The following CHST15 variants were observed in gnomAD, a reference collection of about 807,000 sequenced individuals.
CHST15 encodes carbohydrate sulfotransferase 15.
CHST15 carries 30 observed loss-of-function variants against 53.6 expected under a neutral mutation model. The observed-to-expected ratio is 0.56, with a 90% CI of 0.42 to 0.76. The LOEUF is 0.76. Among genes scored for constraint, CHST15 ranks in the 30% least tolerant of loss-of-function variants. The pLI, the probability that CHST15 is intolerant of heterozygous loss-of-function variation, is 0.00. For synonymous variants in CHST15, 296 were observed against 289.8 expected (o/e 1.02, Z -0.22); for missense variants, 627 against 740.5 (o/e 0.85, Z 1.78).
At chr10:124,045,572 A>C in intron 2 of CHST15, 95 bp downstream of exon 2, 1 of 1,261,670 alleles carries the variant, frequency 7.9e-7, no homozygotes, top group Non-Finnish European at 1.1e-6. Context: ...TTTTTTAGTC[A>C]TTTTCCTTCT....
intron 6 of CHST15, among the ~76,000 whole-genome samples, chr10:124,013,032 T>C (rs1443582924): frequency 6.6e-6 from 1 of 152,214 alleles, no homozygotes; most frequent in African/African-American, 2.4e-5. Context: ...CTTTCTACTT[T>C]CCAGTACCCA....
At chr10:124,055,395 G>T (rs1271095716) in intron 1 of CHST15, among the ~76,000 whole-genome samples, 1 of 152,058 alleles carries the variant, frequency 6.6e-6, no homozygotes, top group Admixed American at 6.6e-5. Flanking sequence ...CCTGCCTCTC[G>T]GTAAATGACC....
At chr10:124,025,119 A>G (rs986358271) in intron 5 of CHST15, among the ~76,000 whole-genome samples, 1 of 152,250 alleles carries the variant, frequency 6.6e-6, no homozygotes, top group Admixed American at 6.5e-5. Context: ...TATTTGGCTC[A>G]TAAATAAAAC....
At chr10:124,055,785 C>A (rs943775038) in intron 1 of CHST15, among the ~76,000 whole-genome samples, 2 of 152,178 alleles carry the variant, frequency 1.3e-5, no homozygotes, top group African/African-American at 4.8e-5. Flanking sequence ...AGAAACGCAC[C>A]CATCCCCAAA....
At chr10:124,071,301 C>A (rs1948905455) in intron 1 of CHST15, among the ~76,000 whole-genome samples, 1 of 152,240 alleles carries the variant, frequency 6.6e-6, no homozygotes, top group Non-Finnish European at 1.5e-5. Context: ...CAGCCAGAGC[C>A]CAACAGACCC....
At position 124,019,736 on chromosome 10, in the gene CHST15, C is replaced by T. The variant is rs1040530500; in HGVS notation, c.1347+1520G>A. ...TATTCCTTTTCCACTCCTACACTAT[C>T]TTCTGCTTAAAACCCTCTGAGGGGT... is the stretch of plus-strand genomic sequence containing the variant. On this transcript the variant is annotated intron_variant, in intron 6 of 7. Coordinates refer to ENST00000435907, the MANE Select transcript of CHST15 (RefSeq NM_001270764.2). This position sits in a 1 kb window ranked among gnomAD's most constrained non-coding sequence, Gnocchi z 4.6. The T allele has an allele frequency of 8.2e-6, 8 of 973,378 alleles. No individual in the cohort carries two copies. Among genetic ancestry groups the T allele is most frequent in the Non-Finnish European group, 9.8e-6 (8 of 819,084 alleles). 60.3% of individuals were successfully genotyped at this position (973,378 alleles called of 1,614,324 possible). A position where few individuals can be genotyped will look rare whatever the true frequency, so the allele number is the denominator to read the frequency against.
rs114243178 is a variant in CHST15, at chr10:124,014,549, T to C, written c.1348-2069A>G. On this transcript the variant is annotated intron_variant, in intron 6 of 7. Transcript: ENST00000435907. ...AATGAGAACGTGCCGGTCTCAGAAA[T>C]AAACATGTGTTGTCACCTCCAACGC... Among the ~76,000 whole-genome samples, 252 of 152,190 alleles carry C rather than the reference T, an allele frequency of 1.7e-3. 1 individual carries two copies. Among genetic ancestry groups the C allele is most frequent in the African/African-American group, 5.8e-3 (240 of 41,520 alleles).
intron 6 of CHST15, 73 bp from the exon 7 acceptor site, chr10:124,012,553 T>TA (rs757883717): frequency 1.1e-4 from 167 of 1,498,030 alleles, no homozygotes; most frequent in Non-Finnish European, 1.5e-4. Flanking sequence ...TCCAAAGTGG[T>TA]ATGGCATTTC....
At chr10:124,042,194 C>T in intron 4 of CHST15, 107 bp downstream of exon 4, 1 of 1,180,506 alleles carries the variant, frequency 8.5e-7, no homozygotes, top group Admixed American at 2.3e-5. Context: ...AGTTTGCTGC[C>T]ACCATGTAAA....
chr10:124,068,105 C>T (rs1184773509), intron 1 of CHST15, among the ~76,000 whole-genome samples: 1 of 152,166 alleles, frequency 6.6e-6, no homozygotes, highest in Admixed American at 6.5e-5. Context: ...ATGCCTAATT[C>T]CCGGAATAGC....
At position 124,041,037 on chromosome 10, in the gene CHST15, T is replaced by G. The variant is rs1947714411; in HGVS notation, c.1033+1264A>C. ...TGAAATGTAAGTCAGACTTGAGATTTGGGGAGTTTGGACTCCCAAGTTTGC... is the reference window on the plus strand; with the variant it reads ...TGAAATGTAAGTCAGACTTGAGATTGGGGGAGTTTGGACTCCCAAGTTTGC... On this transcript the variant is annotated intron_variant, in intron 4 of 7. Transcript: ENST00000435907. Among the ~76,000 whole-genome samples, 4 of 152,216 alleles carry G rather than the reference T, an allele frequency of 2.6e-5. No individual in the cohort carries two copies. In the South Asian group the frequency reaches 8.3e-4, roughly 32 times the overall value.
At chr10:124,092,774 G>T (rs1412702006) in intron 1 of CHST15, among the ~76,000 whole-genome samples, 2 of 152,244 alleles carry the variant, frequency 1.3e-5, no homozygotes, top group Non-Finnish European at 2.9e-5. Flanking sequence ...GGAGCGCAAG[G>T]CTGGGGGGAA....
At chr10:124,059,807 C>T (rs1948500006) in intron 1 of CHST15, among the ~76,000 whole-genome samples, 1 of 152,248 alleles carries the variant, frequency 6.6e-6, no homozygotes, top group Middle Eastern at 3.4e-3. Flanking sequence ...CAAAGATGAG[C>T]AAAATAAGAA....
chr10:124,051,669 T>G (rs896482848), intron 1 of CHST15, among the ~76,000 whole-genome samples: 1 of 152,204 alleles, frequency 6.6e-6, no homozygotes, highest in Non-Finnish European at 1.5e-5. Flanking sequence ...ACCATCACTG[T>G]GGGAACCTGG....
intron 6 of CHST15, chr10:124,020,895 C>T: frequency 7.8e-7 from 1 of 1,283,816 alleles, no homozygotes; most frequent in Non-Finnish European, 9.8e-7. Flanking sequence ...CAAAACAATC[C>T]ACCGCTCAAG....
rs138777023 is a variant in CHST15 at position 124,020,795 on chromosome 10, T to C, written c.1347+461A>G. 1.7e-4 allele frequency: 194 copies of C among 1,124,446 alleles called. 2 individuals are homozygous for C. In the East Asian group the frequency reaches 9.6e-3, roughly 56 times the overall value. 69.7% of individuals were successfully genotyped at this position (1,124,446 alleles called of 1,614,324 possible). ...ATAGTTCTGAAGGAAGAACAAGAGA[T>C]ACGATTGAGGAATCAACAGAAAATG... On this transcript the variant is annotated intron_variant, in intron 6 of 7. Coordinates refer to ENST00000435907, the MANE Select transcript of CHST15 (RefSeq NM_001270764.2).
In CHST15 at chr10:124,019,618, CG is replaced by C; in HGVS notation, c.1347+1637del. 1 of 312,912 alleles carries C rather than the reference CG, an allele frequency of 3.2e-6. No individual in the cohort carries two copies. The highest frequency in any genetic ancestry group is 4.7e-6 in the Non-Finnish European group (1 of 214,942). The allele number at this position is 312,912 out of a possible 1,614,324, so 19.4% of individuals were successfully genotyped here. ...CCGTTTCCTTATGAAGGCTCCCTCCCGGGTTACATGAAATTTACGTTAAACA... is the reference window on the plus strand; with the variant it reads ...CCGTTTCCTTATGAAGGCTCCCTCCCGGTTACATGAAATTTACGTTAAACA... On this transcript the variant is annotated intron_variant, in intron 6 of 7. Coordinates refer to ENST00000435907, the MANE Select transcript of CHST15 (RefSeq NM_001270764.2). This position sits in a 1 kb window ranked among gnomAD's most constrained non-coding sequence, Gnocchi z 4.6.
chr10:124,042,255 C>T (rs760638993), intron 4 of CHST15, 46 bp downstream of exon 4: 1 of 1,574,294 alleles, frequency 6.4e-7, no homozygotes, highest in African/African-American at 1.3e-5. Context: ...AGAGCCAGGA[C>T]CCCAGGGAGG....
At chr10:124,091,873 C>T (rs1949609095) in intron 1 of CHST15, among the ~76,000 whole-genome samples, 1 of 152,230 alleles carries the variant, frequency 6.6e-6, no homozygotes, top group South Asian at 2.1e-4. Context: ...CCCCAGCCTT[C>T]CTCCTCTATA....
Sources: allele counts gnomAD v4.1 joint callset (sites outside exome capture counted in the v4.1 genomes callset), GRCh38; gene constraint gnomAD v4.1.1; non-coding constraint Gnocchi (gnomAD v3.1); transcripts MANE v1.5; gene names NCBI Gene and HGNC (gene_info 2026-07-23, HGNC 2026-07-21).